Variants in CEACAM19 observed in about 807,000 individuals in gnomAD.
CEACAM19 encodes the protein CEA cell adhesion molecule 19, also known as cell adhesion molecule CEACAM19.
A neutral mutation model predicts 37.6 loss-of-function variants in CEACAM19; 37 were observed. The observed-to-expected ratio is 0.98, with a 90% confidence interval of 0.76 to 1.29. The LOEUF is 1.29. Ranked by LOEUF, CEACAM19 falls within the 50% of genes most tolerant of loss-of-function variation. CEACAM19 has a pLI of 0.00. For synonymous variants in CEACAM19, 140 were observed against 149.8 expected (o/e 0.93, Z 0.48); for missense variants, 340 against 375.6 (o/e 0.91, Z 0.78).
intron 2 of CEACAM19, among the ~76,000 whole-genome samples, chr19:44,675,794 A>AAG (rs1973937532): frequency 8.1e-6 from 1 of 123,062 alleles, no homozygotes; most frequent in Admixed American, 7.5e-5. Context: ...TCAAAAAAAG[A>AAG]AAAAAAAAAA....
At chr19:44,679,985 G>T (rs1478422880) in intron 4 of CEACAM19, among the ~76,000 whole-genome samples, 1 of 152,116 alleles carries the variant, frequency 6.6e-6, no homozygotes, top group East Asian at 1.9e-4. Context: ...TATGTAAAGA[G>T]AAATATTAAG....
chr19:44,678,769 T>G, intron 3 of CEACAM19, 84 bp from the exon 4 acceptor site: 1 of 1,554,724 alleles, frequency 6.4e-7, no homozygotes, highest in Non-Finnish European at 8.7e-7. Context: ...CTCTCCATTT[T>G]CCTTCATAGG....
chr19:44,682,776 G>A (rs1974085937), intron 7 of CEACAM19, 156 bp downstream of exon 7: 2 of 642,714 alleles, frequency 3.1e-6, no homozygotes, highest in Non-Finnish European at 5.2e-6. Flanking sequence ...AGCCCAAACC[G>A]CCTCCCTGAG....
chr19:44,682,520 G>T, intron 6 of CEACAM19, 47 bp from the exon 7 acceptor site: 1 of 1,546,268 alleles, frequency 6.5e-7, no homozygotes, highest in Non-Finnish European at 8.8e-7. Flanking sequence ...AAAGTTTAGA[G>T]GGTGGGGGGT....
At chr19:44,667,788 ATATATAAAT>A (rs1422965625), upstream of CEACAM19, among the ~76,000 whole-genome samples, 1 of 72,512 alleles carries the variant, frequency 1.4e-5, no homozygotes, top group Non-Finnish European at 2.3e-5. Context: ...ATATATAAAT[ATATATAAAT>A]TATATAATTT....
upstream of CEACAM19, among the ~76,000 whole-genome samples, chr19:44,668,689 TATA>T (rs1484643372): frequency 3.1e-5 from 2 of 64,078 alleles, no homozygotes; most frequent in Non-Finnish European, 5.1e-5. Flanking sequence ...TATATTATAA[TATA>T]TTATATATTA....
intron 7 of CEACAM19, chr19:44,683,022 A>G (rs747543349): frequency 1.2e-5 from 3 of 258,762 alleles, no homozygotes; most frequent in Non-Finnish European, 2.2e-5. Context: ...AGTGGCCTAC[A>G]TATGTCTGTA....
At chr19:44,670,278 A>AT (rs1443040436), upstream of CEACAM19, among the ~76,000 whole-genome samples, 1 of 151,798 alleles carries the variant, frequency 6.6e-6, no homozygotes, top group Non-Finnish European at 1.5e-5. Flanking sequence ...AGCAATGATC[A>AT]TGCAACTATA....
In CEACAM19 at chr19:44,671,807, G is replaced by A; in HGVS notation, c.-125G>A. On this transcript the variant is annotated 5_prime_UTR_variant, in exon 1 of 8. Transcript: ENST00000358777. ...GCATGCTGGGGCTGGGCCAGCCCCA[G>A]CGGTGTCTCTAAGGCACCCCTGGGA... The A allele has an allele frequency of 1.4e-6, 1 of 727,070 alleles. No individual in the cohort carries two copies. The highest frequency in any genetic ancestry group is 2.3e-6 in the Non-Finnish European group (1 of 433,840). 45.0% of individuals were successfully genotyped at this position (727,070 alleles called of 1,614,324 possible).
intron 2 of CEACAM19, among the ~76,000 whole-genome samples, chr19:44,675,802 A>T (rs904334390): frequency 6.6e-6 from 1 of 151,896 alleles, no homozygotes; most frequent in Non-Finnish European, 1.5e-5. Context: ...AGAAAAAAAA[A>T]AATCAGTTTG....
At chr19:44,671,454 G>A, upstream of CEACAM19, 1 of 391,900 alleles carries the variant, frequency 2.6e-6, no homozygotes. Flanking sequence ...AGCCACAGGT[G>A]AAATCCCACC....
chr19:44,681,173 AGT>A (rs1974050818), intron 5 of CEACAM19, 52 bp from the exon 6 acceptor site: 1 of 1,164,340 alleles, frequency 8.6e-7, no homozygotes, highest in Non-Finnish European at 1.3e-6. Flanking sequence ...AGGCAGTCAG[AGT>A]GGCCTGTGGG....
Position 44,671,667 on chromosome 19 carries a change from G to A in CEACAM19, c.-265G>A. On this transcript the variant is annotated 5_prime_UTR_variant, in exon 1 of 8. Coordinates refer to ENST00000358777, the MANE Select transcript of CEACAM19 (RefSeq NM_001127893.3). ...CTGAGTGAGAAAAAGAGGTTGAAGA[G>A]GGTCAGGGGAGGAGTCCTGGGAAGT... 2 of 472,720 alleles carry A rather than the reference G, an allele frequency of 4.2e-6. No individual in the cohort carries two copies. Among genetic ancestry groups the A allele is most frequent in the South Asian group, 1.0e-4 (2 of 19,282 alleles). The allele number at this position is 472,720 out of a possible 1,614,324, so 29.3% of individuals were successfully genotyped here.
In CEACAM19 at chr19:44,672,845, T is replaced by G; in HGVS notation, c.305T>G (p.Phe102Cys). The change falls in exon 2 of 8, where the codon TTC becomes TGC. Residue 102 changes from phenylalanine to cysteine, a missense_variant. Physicochemically the swap from Phe to Cys is radical, Grantham distance 205. Coordinates refer to ENST00000358777, the MANE Select transcript of CEACAM19 (RefSeq NM_001127893.3). ...SAMGQRDIVG[F>C]PNGSMLLRRA... Reference sequence around the variant, plus strand: ...ATGGGACAGCGAGACATCGTGGGCTTCCCCAATGGTTCCATGCTGCTGCGC... The same window carrying G: ...ATGGGACAGCGAGACATCGTGGGCTGCCCCAATGGTTCCATGCTGCTGCGC... 1 of 1,601,064 alleles carries G rather than the reference T, an allele frequency of 6.2e-7. No individual in the cohort carries two copies. The highest frequency in any genetic ancestry group is 8.5e-7 in the Non-Finnish European group (1 of 1,172,796).
rs554944940 is a variant in CEACAM19, at chr19:44,678,995, A to C, written c.659+59A>C. The C allele has an allele frequency of 1.7e-5, 27 of 1,596,270 alleles. No individual in the cohort carries two copies. In the South Asian group the frequency reaches 2.6e-4, roughly 15 times the overall value. ...ACAAACTTGCTATAGCGGTGTCAAG[A>C]GTACTTTTGTTTTCAGAGTCAAAGT... On this transcript the variant is annotated intron_variant, in intron 4 of 7. Coordinates refer to ENST00000358777, the MANE Select transcript of CEACAM19 (RefSeq NM_001127893.3).
In CEACAM19 at chr19:44,678,845, C is replaced by A; in HGVS notation, c.576-8C>A. 2 of 1,612,674 alleles carry A rather than the reference C, an allele frequency of 1.2e-6. No homozygotes were observed. The highest frequency in any genetic ancestry group is 1.7e-6 in the Non-Finnish European group (2 of 1,179,342). ...TTCCAATTTTCTTCCCCTCTCTTTC[C>A]ACCCTAGACTGCCTGCTCCGAGGGG... is the stretch of plus-strand genomic sequence containing the variant. On this transcript the variant is annotated splice_region_variant and splice_polypyrimidine_tract_variant and intron_variant, in intron 3 of 7. Transcript: ENST00000358777.
At chr19:44,681,195 T>G in intron 5 of CEACAM19, 32 bp from the exon 6 acceptor site, 1 of 1,535,566 alleles carries the variant, frequency 6.5e-7, no homozygotes, top group Non-Finnish European at 9.0e-7. Context: ...GGCCCATGTG[T>G]CAGCTGGTAC....
At chr19:44,667,056 C>T (rs1286384440), upstream of CEACAM19, 1 of 151,874 alleles carries the variant, frequency 6.6e-6, no homozygotes, top group African/African-American at 2.4e-5. Context: ...CACCAGCTCA[C>T]AGCAGAGCTG....
chr19:44,679,420 C>T (rs1473576839), intron 4 of CEACAM19, among the ~76,000 whole-genome samples: 1 of 152,112 alleles, frequency 6.6e-6, no homozygotes, highest in Non-Finnish European at 1.5e-5. Context: ...ACCTGATGAA[C>T]ATGGTGAAAC....
Sources: allele counts gnomAD v4.1 joint callset (sites outside exome capture counted in the v4.1 genomes callset), GRCh38; gene constraint gnomAD v4.1.1; transcripts MANE v1.5; gene names NCBI Gene and HGNC (gene_info 2026-07-23, HGNC 2026-07-21).